The following TXLNB variants were observed in gnomAD, a reference collection of about 807,000 sequenced individuals.
The protein encoded by TXLNB is beta-taxilin.
A neutral mutation model predicts 57.4 loss-of-function variants in TXLNB; 37 were observed. That is an observed-to-expected ratio of 0.64 (90% confidence interval 0.50 to 0.85). TXLNB has a LOEUF of 0.85. Ranked by LOEUF, TXLNB falls within the 40% of genes least tolerant of loss-of-function variation. The pLI is 0.00. For synonymous variants in TXLNB, 302 were observed against 309.6 expected, an observed-to-expected ratio of 0.98 and a Z score of 0.26; for missense variants, 848 against 825.6, an observed-to-expected ratio of 1.03 and a Z score of -0.33.
Position 139,262,628 on chromosome 6 carries a change from A to C in TXLNB, c.833T>G (p.Leu278Arg). Residue 278 changes from leucine (L) to arginine (R), a missense_variant, in exon 5 of 10, where the codon CTT (leucine) becomes CGT (arginine). Physicochemically the swap from Leu to Arg is moderately radical, Grantham distance 102. Coordinates refer to ENST00000358430, the MANE Select transcript of TXLNB (RefSeq NM_153235.4). ...GATGATGCTTTTCAGCTTTTCTGCA[A>C]GCTCTGTGTTCTCCTGACAGAGCTT... Reference protein sequence around the residue: ...NMKLCQENTELAEKLKSIIDQ... With the variant: ...NMKLCQENTERAEKLKSIIDQ... 1 of 1,614,104 alleles carries C rather than the reference A, an allele frequency of 6.2e-7. No individual in the cohort carries two copies.
At chr6:139,255,278 C>G (rs1297722064) in intron 7 of TXLNB, 1 of 427,616 alleles carries the variant, frequency 2.3e-6, no homozygotes, top group African/African-American at 2.1e-5. Flanking sequence ...AGATGGGAAC[C>G]TGGACACTGG....
chr6:139,164,243 G>A, the TXLNB span, among the ~76,000 whole-genome samples: 1 of 152,278 alleles, frequency 6.6e-6, no homozygotes, highest in Non-Finnish European at 1.5e-5. Flanking sequence ...CTGAGCCTGG[G>A]AGTCTGCCTT....
chr6:139,212,338 A>G, the TXLNB span, among the ~76,000 whole-genome samples: 4 of 152,272 alleles, frequency 2.6e-5, no homozygotes, highest in African/African-American at 9.6e-5. Flanking sequence ...ATTCTTAAAG[A>G]AAAGAATTTT....
chr6:139,167,209 C>T, the TXLNB span: 3 of 1,613,994 alleles, frequency 1.9e-6, no homozygotes, highest in Non-Finnish European at 1.7e-6. Flanking sequence ...TAAACTGTGC[C>T]CTGTGCCACC....
chr6:139,169,231 A>AT, the TXLNB span, among the ~76,000 whole-genome samples: 5 of 151,518 alleles, frequency 3.3e-5, no homozygotes, highest in African/African-American at 7.3e-5. Context: ...CCCTTAGATT[A>AT]TTTTTTTTGT....
the TXLNB span, among the ~76,000 whole-genome samples, chr6:139,297,210 T>G: frequency 6.6e-6 from 1 of 152,190 alleles, no homozygotes; most frequent in African/African-American, 2.4e-5. Flanking sequence ...GCTTCCCTTT[T>G]TCTGCCTTTT....
At position 139,255,656 on chromosome 6, in the gene TXLNB, G is replaced by A. The variant is rs1776318753; in HGVS notation, c.1003-18C>T. On this transcript the variant is annotated intron_variant, in intron 6 of 9. Coordinates refer to ENST00000358430, the MANE Select transcript of TXLNB (RefSeq NM_153235.4). ...TTCAGCAACTATGAGAAGAGAGAGT[G>A]TGTGGAAAGATGGTCAGATTTGCCT... The A allele has an allele frequency of 1.2e-6, 2 of 1,606,770 alleles. No homozygotes were observed. Among genetic ancestry groups the A allele is most frequent in the Admixed American group, 1.7e-5 (1 of 59,702 alleles).
At chr6:139,321,463 G>A in the TXLNB span, among the ~76,000 whole-genome samples, 1 of 151,532 alleles carries the variant, frequency 6.6e-6, no homozygotes, top group African/African-American at 2.4e-5. Flanking sequence ...ACTATAAGAA[G>A]TACATTTCAG....
intron 4 of TXLNB, among the ~76,000 whole-genome samples, chr6:139,266,730 T>C (rs1445445100): frequency 1.3e-5 from 2 of 151,804 alleles, no homozygotes; most frequent in Non-Finnish European, 1.5e-5. Flanking sequence ...GTAAAAGACA[T>C]ATAATTACAG....
the TXLNB span, chr6:139,234,542 A>T: frequency 6.6e-6 from 1 of 152,334 alleles, no homozygotes; most frequent in African/African-American, 2.4e-5. Context: ...GCAAGCCCCA[A>T]GCCTTGGTGG....
chr6:139,217,864 CAAAAAAAAAA>C, the TXLNB span, among the ~76,000 whole-genome samples: 9 of 51,916 alleles, frequency 1.7e-4, no homozygotes, highest in South Asian at 7.1e-4. Flanking sequence ...GCAAGAGTCT[CAAAAAAAAAA>C]AAAAAAAAAA....
chr6:139,162,734 CCCTCTGCTG>C, the TXLNB span, among the ~76,000 whole-genome samples: 3 of 152,310 alleles, frequency 2.0e-5, no homozygotes, highest in East Asian at 5.8e-4. Context: ...ATTGCCACCA[CCCTCTGCTG>C]ATTGATTTGG....
chr6:139,250,038 A>G (rs1776158876), intron 7 of TXLNB, among the ~76,000 whole-genome samples: 1 of 151,774 alleles, frequency 6.6e-6, no homozygotes, highest in East Asian at 1.9e-4. Context: ...CTTTTAAGAG[A>G]CAGTCTGATT....
chr6:139,162,292 A>G, the TXLNB span, among the ~76,000 whole-genome samples: 1 of 152,146 alleles, frequency 6.6e-6, no homozygotes, highest in Non-Finnish European at 1.5e-5. Context: ...TGGGCCTTGA[A>G]GCAGTAGGAG....
chr6:139,166,699 T>G, the TXLNB span: 2 of 1,611,498 alleles, frequency 1.2e-6, no homozygotes, highest in Non-Finnish European at 1.7e-6. Flanking sequence ...GGCCCCCAAA[T>G]AAGCCCCAGA....
chr6:139,220,822 TA>T, the TXLNB span, among the ~76,000 whole-genome samples: 1 of 152,158 alleles, frequency 6.6e-6, no homozygotes, highest in Admixed American at 6.5e-5. Context: ...AGCTGGCTCT[TA>T]AATAAAACAG....
Position 139,240,089 on chromosome 6 carries a change from A to G in TXLNB, c.*2437T>C, listed in dbSNP as rs1283548774. On this transcript the variant is annotated 3_prime_UTR_variant, in exon 10 of 10. Transcript: ENST00000358430. Reference sequence around the variant, plus strand: ...GGGAAGAGAAGTACCTTTTTAATAGATATATAAATTATAGTTATTTAACTT... The same window carrying G: ...GGGAAGAGAAGTACCTTTTTAATAGGTATATAAATTATAGTTATTTAACTT... 1 of 152,000 alleles carries G rather than the reference A, an allele frequency of 6.6e-6. No homozygotes were observed. The highest frequency in any genetic ancestry group is 1.5e-5 in the Non-Finnish European group (1 of 68,032). 9.4% of individuals were successfully genotyped at this position (152,000 alleles called of 1,614,324 possible). A position where few individuals can be genotyped will look rare whatever the true frequency, so the allele number is the denominator to read the frequency against.
chr6:139,217,168 C>T, the TXLNB span, among the ~76,000 whole-genome samples: 3 of 152,122 alleles, frequency 2.0e-5, no homozygotes, highest in Non-Finnish European at 2.9e-5. Flanking sequence ...GCCTGTTCTC[C>T]TAGCAGCAGA....
intron 3 of TXLNB, among the ~76,000 whole-genome samples, chr6:139,275,188 G>C (rs911707308): frequency 1.3e-5 from 2 of 152,102 alleles, no homozygotes; most frequent in Admixed American, 1.3e-4. Context: ...AAGCTAATAC[G>C]TGATGATGTT....
Sources: gnomAD v4.1 joint callset for allele counts (sites outside exome capture counted in the v4.1 genomes callset) on GRCh38, gnomAD v4.1.1 for gene constraint, MANE v1.5 for transcripts, NCBI Gene and HGNC (gene_info 2026-07-23, HGNC 2026-07-21) for gene names.